The following NAALADL2 variants were observed in gnomAD, a reference collection of about 807,000 sequenced individuals.
The protein encoded by NAALADL2 is inactive N-acetylated-alpha-linked acidic dipeptidase-like protein 2.
A neutral mutation model predicts 87.2 loss-of-function variants in NAALADL2; 76 were observed. The observed-to-expected ratio is 0.87, with a 90% CI of 0.72 to 1.05. The LOEUF is 1.05. Among genes scored for constraint, NAALADL2 ranks in the 50% least tolerant of loss-of-function variants. The pLI, the probability that NAALADL2 is intolerant of heterozygous loss-of-function variation, is 0.00. For missense variants in NAALADL2, 1,089 were observed against 945.8 expected (o/e 1.15, Z -1.99); for synonymous variants, 354 against 331.0 (o/e 1.07, Z -0.75).
intron 13 of NAALADL2, among the ~76,000 whole-genome samples, chr3:175,778,687 C>G (rs1222973857): frequency 6.6e-6 from 1 of 152,124 alleles, no homozygotes; most frequent in African/African-American, 2.4e-5. Flanking sequence ...TATAAAAACT[C>G]TAGGTTGTAA....
chr3:175,151,984 T>G (rs16824275), intron 2 of NAALADL2, among the ~76,000 whole-genome samples: 17,201 of 152,164 alleles, frequency 0.11, 1,102 homozygotes, highest in African/African-American at 0.16. Context: ...ATGCCATTCT[T>G]TTTTGCTATT....
intron 1 of NAALADL2, among the ~76,000 whole-genome samples, chr3:174,869,869 G>C (rs896947783): frequency 5.3e-5 from 8 of 151,882 alleles, no homozygotes; most frequent in African/African-American, 1.9e-4. Context: ...GGTGGCTCGT[G>C]CCTGTAATTC....
intron 2 of NAALADL2, among the ~76,000 whole-genome samples, chr3:174,685,634 C>T (rs776607421): frequency 4.6e-5 from 7 of 151,944 alleles, no homozygotes; most frequent in Non-Finnish European, 5.9e-5. Flanking sequence ...AAGTCATTGG[C>T]TTTTTGGCCT....
chr3:175,375,329 G>A (rs1767013815), intron 5 of NAALADL2, among the ~76,000 whole-genome samples: 1 of 152,052 alleles, frequency 6.6e-6, no homozygotes, highest in Admixed American at 6.6e-5. Flanking sequence ...TAGCCCATTA[G>A]AATTTTTACT....
intron 2 of NAALADL2, among the ~76,000 whole-genome samples, chr3:174,604,540 T>C (rs1198564058): frequency 1.3e-5 from 2 of 152,128 alleles, no homozygotes; most frequent in Non-Finnish European, 2.9e-5. Context: ...TTCTGTCTTT[T>C]GGTTGAAGAG....
chr3:174,459,637 T>C (rs1716069441), intron 1 of NAALADL2: 1 of 152,166 alleles, frequency 6.6e-6, no homozygotes, highest in Non-Finnish European at 1.5e-5. Flanking sequence ...TGCTGATTTT[T>C]AAAGCACTTT....
chr3:175,238,114 T>G (rs1194424780), intron 3 of NAALADL2, among the ~76,000 whole-genome samples: 1 of 152,148 alleles, frequency 6.6e-6, no homozygotes. Context: ...TTCTACATGT[T>G]TATCTTAACA....
chr3:175,535,175 T>C (rs886963899), intron 9 of NAALADL2, among the ~76,000 whole-genome samples: 1 of 152,218 alleles, frequency 6.6e-6, no homozygotes, highest in Non-Finnish European at 1.5e-5. Context: ...CAATGTCCAC[T>C]ATTCCATATT....
chr3:174,713,574 ATG>A (rs542883786), intron 2 of NAALADL2, among the ~76,000 whole-genome samples: 485 of 152,216 alleles, frequency 3.2e-3, no homozygotes, highest in African/African-American at 0.011. Flanking sequence ...GTACTTTTTC[ATG>A]TGTCTTTTGG....
chr3:174,510,573 TC>T (rs1231205977), intron 1 of NAALADL2, among the ~76,000 whole-genome samples: 2 of 151,984 alleles, frequency 1.3e-5, no homozygotes, highest in African/African-American at 4.8e-5. Flanking sequence ...CTGAGTGATG[TC>T]TTCTCTCATT....
At chr3:175,552,144 G>A (rs1442853304) in intron 9 of NAALADL2, among the ~76,000 whole-genome samples, 2 of 142,812 alleles carry the variant, frequency 1.4e-5, no homozygotes, top group Non-Finnish European at 3.1e-5. Flanking sequence ...TACTATAATG[G>A]GAATAACTAT....
chr3:175,080,909 A>T (rs1003413510), intron 1 of NAALADL2, among the ~76,000 whole-genome samples: 1 of 152,240 alleles, frequency 6.6e-6, no homozygotes, highest in Non-Finnish European at 1.5e-5. Flanking sequence ...CTTTAGAAAG[A>T]TCTCTTTGGA....
chr3:174,526,754 C>T (rs936360014), intron 1 of NAALADL2, among the ~76,000 whole-genome samples: 1 of 150,958 alleles, frequency 6.6e-6, no homozygotes, highest in African/African-American at 2.4e-5. Context: ...GTGCTTACTG[C>T]ACCCTCTGTC....
At chr3:174,703,877 A>G (rs1308262751) in intron 2 of NAALADL2, among the ~76,000 whole-genome samples, 1 of 152,196 alleles carries the variant, frequency 6.6e-6, no homozygotes, top group Non-Finnish European at 1.5e-5. Context: ...CTGAAATGCT[A>G]GGGAAGTACA....
intron 1 of NAALADL2, among the ~76,000 whole-genome samples, chr3:175,092,008 T>A (rs1395306098): frequency 1.3e-5 from 2 of 151,892 alleles, no homozygotes; most frequent in Non-Finnish European, 2.9e-5. Context: ...ATATTTCTAT[T>A]TTCTTAGCTC....
intron 1 of NAALADL2, among the ~76,000 whole-genome samples, chr3:175,051,291 C>T (rs1233806512): frequency 1.3e-5 from 2 of 152,164 alleles, no homozygotes; most frequent in Admixed American, 6.5e-5. Context: ...GTGGGTTAAA[C>T]AATACCCATT....
chr3:174,682,438 A>G (rs949393624), intron 2 of NAALADL2, among the ~76,000 whole-genome samples: 1 of 152,200 alleles, frequency 6.6e-6, no homozygotes, highest in South Asian at 2.1e-4. Flanking sequence ...TGGTTACCAC[A>G]GGCCTTGGTG....
At chr3:174,502,301 G>C (rs1314040210) in intron 1 of NAALADL2, among the ~76,000 whole-genome samples, 1 of 151,996 alleles carries the variant, frequency 6.6e-6, no homozygotes, top group Non-Finnish European at 1.5e-5. Context: ...GAATTTTTTT[G>C]TTGTTGTTAG....
At chr3:175,433,197 C>G (rs943218817) in intron 5 of NAALADL2, among the ~76,000 whole-genome samples, 2 of 152,032 alleles carry the variant, frequency 1.3e-5, no homozygotes, top group African/African-American at 4.8e-5. Context: ...GGAATAACTT[C>G]TTGGACTCTT....
Sources: gnomAD v4.1 joint callset for allele counts (sites outside exome capture counted in the v4.1 genomes callset) on GRCh38, gnomAD v4.1.1 for gene constraint, MANE v1.5 for transcripts, NCBI Gene and HGNC (gene_info 2026-07-23, HGNC 2026-07-21) for gene names.